MARCHF3: variants seen among roughly 807,000 people sequenced by gnomAD.
MARCHF3 encodes E3 ubiquitin-protein ligase MARCHF3.
In MARCHF3, 13 loss-of-function variants were observed where a neutral mutation model predicts 24.2. The ratio of observed to expected loss-of-function variants is 0.54; its 90% CI spans 0.35 to 0.85. The LOEUF (loss-of-function observed/expected upper bound fraction) is 0.85. Ranked by LOEUF, MARCHF3 falls within the 40% of genes least tolerant of loss-of-function variation. The pLI is 0.01. For missense variants in MARCHF3, 276 were observed against 325.0 expected (o/e 0.85, Z 1.16); for synonymous variants, 144 against 137.3 (o/e 1.05, Z -0.34).
chr5:126,915,371 T>G (rs1274848742), intron 2 of MARCHF3, among the ~76,000 whole-genome samples: 1 of 152,238 alleles, frequency 6.6e-6, no homozygotes, highest in African/African-American at 2.4e-5. Context: ...TAGCTGGGTG[T>G]GGCCCAGGAT....
At chr5:126,901,678 G>A (rs1040874081) in intron 3 of MARCHF3, among the ~76,000 whole-genome samples, 3 of 152,076 alleles carry the variant, frequency 2.0e-5, no homozygotes, top group Admixed American at 1.3e-4. Flanking sequence ...GGGCTGGCAG[G>A]AGCCCTCAGC....
At chr5:127,020,867 A>ATAAC (rs1752784345) in intron 1 of MARCHF3, among the ~76,000 whole-genome samples, 1 of 151,502 alleles carries the variant, frequency 6.6e-6, no homozygotes, top group Non-Finnish European at 1.5e-5. Context: ...AAATAAATAA[A>ATAAC]TAAAAATAAT....
intron 1 of MARCHF3, among the ~76,000 whole-genome samples, chr5:126,991,720 CAA>C (rs112503606): frequency 5.0e-5 from 7 of 139,164 alleles, no homozygotes; most frequent in African/African-American, 7.9e-5. Context: ...GATTCTATTT[CAA>C]AAAAAAAAAA....
chr5:126,924,128 A>G (rs1749218620), intron 1 of MARCHF3, among the ~76,000 whole-genome samples: 2 of 152,118 alleles, frequency 1.3e-5, no homozygotes, highest in Admixed American at 1.3e-4. Context: ...TTCCACAATC[A>G]ATCATGCGCT....
chr5:126,923,530 G>A (rs1381121969), intron 1 of MARCHF3, among the ~76,000 whole-genome samples: 1 of 152,204 alleles, frequency 6.6e-6, no homozygotes, highest in East Asian at 1.9e-4. Flanking sequence ...GGTCTAAGCA[G>A]GCCCTAACTT....
chr5:126,875,072 G>T (rs916305345), intron 4 of MARCHF3, among the ~76,000 whole-genome samples: 2 of 152,160 alleles, frequency 1.3e-5, no homozygotes, highest in African/African-American at 2.4e-5. Flanking sequence ...CCAAACTGGG[G>T]CTGATACCAA....
At chr5:126,989,994 C>T (rs1272402615) in intron 1 of MARCHF3, among the ~76,000 whole-genome samples, 2 of 151,932 alleles carry the variant, frequency 1.3e-5, no homozygotes, top group Non-Finnish European at 2.9e-5. Context: ...AAATTCAATG[C>T]CATCCCCATC....
intron 1 of MARCHF3, among the ~76,000 whole-genome samples, chr5:126,945,121 A>G (rs1289476521): frequency 1.3e-5 from 2 of 152,340 alleles, no homozygotes; most frequent in East Asian, 3.9e-4. Context: ...AGAGGCATAC[A>G]GTGGTGTGCC....
chr5:126,877,981 C>A (rs1354518044), intron 4 of MARCHF3, among the ~76,000 whole-genome samples: 1 of 152,066 alleles, frequency 6.6e-6, no homozygotes, highest in Non-Finnish European at 1.5e-5. Flanking sequence ...TTTATGTGAT[C>A]CGCCTTAGCA....
At chr5:126,971,033 A>G (rs1016602989) in intron 1 of MARCHF3, among the ~76,000 whole-genome samples, 16 of 152,198 alleles carry the variant, frequency 1.1e-4, no homozygotes, top group African/African-American at 3.9e-4. Flanking sequence ...GGTTGAGAAA[A>G]TTCAAGAACA....
intron 3 of MARCHF3, among the ~76,000 whole-genome samples, chr5:126,910,279 G>GT (rs1754470901): frequency 6.6e-6 from 1 of 152,190 alleles, no homozygotes; most frequent in Admixed American, 6.5e-5. Flanking sequence ...TCAAAGCCTA[G>GT]TGGCAAATAT....
chr5:127,002,086 G>A (rs1210286891), intron 1 of MARCHF3, among the ~76,000 whole-genome samples: 1 of 152,228 alleles, frequency 6.6e-6, no homozygotes, highest in African/African-American at 2.4e-5. Flanking sequence ...TAGACTTAGT[G>A]AAGAATGACA....
At chr5:126,923,344 C>T (rs1408059184) in intron 1 of MARCHF3, among the ~76,000 whole-genome samples, 2 of 152,230 alleles carry the variant, frequency 1.3e-5, no homozygotes, top group Non-Finnish European at 2.9e-5. Flanking sequence ...ACGACATTTT[C>T]AGTGCCAAGT....
At position 126,998,472 on chromosome 5, in the gene MARCHF3, T is replaced by A. The variant is rs141519876; in HGVS notation, c.-57+31878A>T. 2.0e-4 allele frequency among the ~76,000 whole-genome samples: 30 copies of A among 151,970 alleles called. No homozygotes were observed. The East Asian group carries it at 5.8e-3, about 29-fold the overall frequency. On this transcript the variant is annotated intron_variant, in intron 1 of 4. Coordinates refer to ENST00000308660, the MANE Select transcript of MARCHF3 (RefSeq NM_178450.5). Reference sequence around the variant, plus strand: ...ATGGGCATTTGGCCTTTCACCAACATGCTTGTTCCTTGACTTGGCTCTCAG... The same window carrying A: ...ATGGGCATTTGGCCTTTCACCAACAAGCTTGTTCCTTGACTTGGCTCTCAG...
intron 3 of MARCHF3, 129 bp from the exon 4 acceptor site, chr5:126,878,523 A>T: frequency 8.6e-6 from 7 of 809,896 alleles, no homozygotes; most frequent in Non-Finnish European, 1.4e-5. Context: ...ACTTGTTATG[A>T]GATAACAAGG....
chr5:127,028,396 T>C (rs898269881), intron 1 of MARCHF3, among the ~76,000 whole-genome samples: 16 of 152,234 alleles, frequency 1.1e-4, no homozygotes, highest in Admixed American at 3.9e-4. Context: ...TAAAGCCTTT[T>C]TATTATTTTA....
intron 1 of MARCHF3, among the ~76,000 whole-genome samples, chr5:126,923,244 T>C (rs73783496): frequency 0.061 from 9,285 of 152,298 alleles, 543 homozygotes; most frequent in African/African-American, 0.15. Context: ...GCAGCAGTTA[T>C]TATCTTAACT....
At chr5:126,967,625 G>A (rs1169089611) in intron 1 of MARCHF3, among the ~76,000 whole-genome samples, 1 of 152,070 alleles carries the variant, frequency 6.6e-6, no homozygotes, top group Non-Finnish European at 1.5e-5. Context: ...CCCAGGAGGC[G>A]GAGGTTGCAG....
intron 1 of MARCHF3, among the ~76,000 whole-genome samples, chr5:126,927,605 T>A (rs1194606728): frequency 6.6e-6 from 1 of 152,172 alleles, no homozygotes; most frequent in East Asian, 1.9e-4. Context: ...CCCCACCTGT[T>A]GGAGTGCTGG....
Sources: allele counts gnomAD v4.1 joint callset (sites outside exome capture counted in the v4.1 genomes callset), GRCh38; gene constraint gnomAD v4.1.1; transcripts MANE v1.5; gene names NCBI Gene and HGNC (gene_info 2026-07-23, HGNC 2026-07-21).